Variants in CLK4 observed in about 807,000 individuals in gnomAD.
CLK4 encodes the protein CDC like kinase 4, also known as dual specificity protein kinase CLK4.
In CLK4, 37 loss-of-function variants were observed where a neutral mutation model predicts 64.4. The observed-to-expected ratio is 0.57, with a 90% CI of 0.44 to 0.76. The LOEUF is 0.76. Among genes scored for constraint, CLK4 ranks in the 30% least tolerant of loss-of-function variants. The pLI is 0.00. For missense variants in CLK4, 457 were observed against 605.1 expected, an observed-to-expected ratio of 0.76 and a Z score of 2.57; for synonymous variants, 175 against 191.6, an observed-to-expected ratio of 0.91 and a Z score of 0.72.
chr5:178,604,646 C>G (rs1029824468), intron 11 of CLK4: 9 of 151,946 alleles, frequency 5.9e-5, no homozygotes, highest in African/African-American at 2.2e-4. Flanking sequence ...AGATCCCTCA[C>G]GTGCGCAGTT....
chr5:178,623,219 T>A, intron 2 of CLK4, 37 bp downstream of exon 2: 19 of 1,575,648 alleles, frequency 1.2e-5, no homozygotes, highest in Non-Finnish European at 1.7e-5. Context: ...TTAAAACTAT[T>A]AGAGCTAAAA....
At position 178,603,569 on chromosome 5, in the gene CLK4, A is replaced by T; in HGVS notation, c.*48T>A. 1 of 1,362,878 alleles carries T rather than the reference A, an allele frequency of 7.3e-7. No homozygotes were observed. Among genetic ancestry groups the T allele is most frequent in the Non-Finnish European group, 9.9e-7 (1 of 1,012,262 alleles). 84.4% of individuals were successfully genotyped at this position (1,362,878 alleles called of 1,614,324 possible). A position where few individuals can be genotyped will look rare whatever the true frequency, so the allele number is the denominator to read the frequency against. ...ATGTTTAGTTGACTGACACAGTCTT[A>T]AGTAATCTCTTCTAGAGAAGTATAT... On this transcript the variant is annotated 3_prime_UTR_variant, in exon 13 of 13. Coordinates refer to ENST00000316308, the MANE Select transcript of CLK4 (RefSeq NM_020666.3).
intron 11 of CLK4, 99 bp from the exon 12 acceptor site, chr5:178,604,033 G>A: frequency 1.2e-6 from 1 of 828,390 alleles, no homozygotes; most frequent in Non-Finnish European, 1.9e-6. Flanking sequence ...CTCTCTCTAA[G>A]TGTATAGACT....
At chr5:178,625,339 A>G (rs1240285015) in intron 1 of CLK4, among the ~76,000 whole-genome samples, 2 of 151,296 alleles carry the variant, frequency 1.3e-5, no homozygotes, top group South Asian at 2.1e-4. Flanking sequence ...TGGGACAATC[A>G]CTGGAGCCCA....
chr5:178,611,967 C>A (rs1764563884), intron 9 of CLK4, among the ~76,000 whole-genome samples: 1 of 149,508 alleles, frequency 6.7e-6, no homozygotes, highest in African/African-American at 2.5e-5. Context: ...CCCAGACTTT[C>A]TCACATCAAG....
At chr5:178,626,656 A>G (rs1226386498) in intron 1 of CLK4, among the ~76,000 whole-genome samples, 1 of 152,184 alleles carries the variant, frequency 6.6e-6, no homozygotes, top group Admixed American at 6.5e-5. Flanking sequence ...AGAGGTCCCG[A>G]CAGGGTTAAC....
At chr5:178,604,886 T>C (rs1292661642) in intron 11 of CLK4, 2 of 152,790 alleles carry the variant, frequency 1.3e-5, no homozygotes, top group Non-Finnish European at 2.9e-5. Flanking sequence ...TTCCAGCACT[T>C]TGGGAGGCCA....
At chr5:178,620,584 A>C in intron 2 of CLK4, 1 of 455,818 alleles carries the variant, frequency 2.2e-6, no homozygotes, top group Non-Finnish European at 4.4e-6. Flanking sequence ...TAAAATATCC[A>C]CTGAATGCCC....
In CLK4 at chr5:178,617,963, T is replaced by C. The variant is rs1255186222; in HGVS notation, c.385-529A>G. The C allele has an allele frequency of 6.6e-6, 1 of 151,960 alleles. No homozygotes were observed. Among genetic ancestry groups the C allele is most frequent in the Non-Finnish European group, 1.5e-5 (1 of 68,034 alleles). The allele number at this position is 151,960 out of a possible 1,614,324, so 9.4% of individuals were successfully genotyped here. A position where few individuals can be genotyped will look rare whatever the true frequency, so the allele number is the denominator to read the frequency against. ...AAAACTAGTTTTACTGAAGAAAACT[T>C]GGGGAGAAACTAATTCAAAGTTCAC... is the stretch of plus-strand genomic sequence containing the variant. On this transcript the variant is annotated intron_variant, in intron 3 of 12. Coordinates refer to ENST00000316308, the MANE Select transcript of CLK4 (RefSeq NM_020666.3). The surrounding 1 kb of genome is among the most constrained non-coding windows in gnomAD (Gnocchi z 5.2).
At chr5:178,616,191 T>C (rs1764625245) in intron 5 of CLK4, among the ~76,000 whole-genome samples, 1 of 152,126 alleles carries the variant, frequency 6.6e-6, no homozygotes, top group Non-Finnish European at 1.5e-5. Flanking sequence ...CCTCCCCTCC[T>C]GGGTTCAAGT....
chr5:178,613,294 G>A (rs1453384744), intron 7 of CLK4, among the ~76,000 whole-genome samples, 179 bp downstream of exon 7: 4 of 152,066 alleles, frequency 2.6e-5, no homozygotes, highest in African/African-American at 4.8e-5. Flanking sequence ...GGTGGTGGGC[G>A]CCTGTAGTCC....
At chr5:178,625,015 C>T (rs542050380) in intron 1 of CLK4, among the ~76,000 whole-genome samples, 26 of 152,258 alleles carry the variant, frequency 1.7e-4, no homozygotes, top group African/African-American at 5.1e-4. Context: ...AGGCACTGAT[C>T]AGGCCAAACA....
At chr5:178,622,459 T>C in intron 2 of CLK4, 1 of 985,634 alleles carries the variant, frequency 1.0e-6, no homozygotes, top group Non-Finnish European at 1.2e-6. Flanking sequence ...CAATGGAACA[T>C]CTGCACAAAA....
chr5:178,618,893 C>A, intron 2 of CLK4, 115 bp from the exon 3 acceptor site: 1 of 708,598 alleles, frequency 1.4e-6, no homozygotes, highest in Non-Finnish European at 2.3e-6. Context: ...GAAAAAAATT[C>A]AAACAGATGA....
intron 1 of CLK4, among the ~76,000 whole-genome samples, chr5:178,626,548 G>A (rs1183979683): frequency 6.6e-6 from 1 of 152,248 alleles, no homozygotes; most frequent in African/African-American, 2.4e-5. Flanking sequence ...AAACGGCCCA[G>A]GCCAGGAATC....
In CLK4 at chr5:178,613,995, C is replaced by A. The variant is rs1267368366; in HGVS notation, c.543-152G>T. Reference sequence around the variant, plus strand: ...TATAGCAGATTCCATATAACATCTTCTTAAAACATTTTGATAAAATACTTT... The same window carrying A: ...TATAGCAGATTCCATATAACATCTTATTAAAACATTTTGATAAAATACTTT... On this transcript the variant is annotated intron_variant, in intron 5 of 12. Transcript: ENST00000316308. The A allele has an allele frequency of 5.2e-6, 3 of 576,854 alleles. No homozygotes were observed. In the African/African-American group the frequency reaches 5.6e-5, roughly 11 times the overall value. The allele number at this position is 576,854 out of a possible 1,614,324, so 35.7% of individuals were successfully genotyped here. A position where few individuals can be genotyped will look rare whatever the true frequency, so the allele number is the denominator to read the frequency against.
chr5:178,617,610 C>G lies in CLK4; in HGVS notation c.385-176G>C. 1 of 646,532 alleles carries G rather than the reference C, an allele frequency of 1.5e-6. No homozygotes were observed. The highest frequency in any genetic ancestry group is 2.3e-6 in the Non-Finnish European group (1 of 434,232). The allele number at this position is 646,532 out of a possible 1,614,324, so 40.0% of individuals were successfully genotyped here. A position where few individuals can be genotyped will look rare whatever the true frequency, so the allele number is the denominator to read the frequency against. Reference sequence around the variant, plus strand: ...ATTCAGTCCCCAGAAATTCACAGGGCACAGTTTATGTTACAGAAGAAAAAC... The same window carrying G: ...ATTCAGTCCCCAGAAATTCACAGGGGACAGTTTATGTTACAGAAGAAAAAC... On this transcript the variant is annotated intron_variant, in intron 3 of 12. Transcript: ENST00000316308. This position sits in a 1 kb window ranked among gnomAD's most constrained non-coding sequence, Gnocchi z 5.2.
intron 2 of CLK4, chr5:178,620,655 T>C: frequency 2.2e-6 from 1 of 450,754 alleles, no homozygotes; most frequent in South Asian, 1.6e-5. Context: ...GGGCATTCGT[T>C]TTTATATCCA....
At chr5:178,614,903 A>G (rs1270383462) in intron 5 of CLK4, among the ~76,000 whole-genome samples, 1 of 152,232 alleles carries the variant, frequency 6.6e-6, no homozygotes, top group East Asian at 1.9e-4. Context: ...TAATTATATG[A>G]CCAAAAAGTT....
Sources: gnomAD v4.1 joint callset for allele counts (sites outside exome capture counted in the v4.1 genomes callset) on GRCh38, gnomAD v4.1.1 for gene constraint, Gnocchi (gnomAD v3.1) non-coding constraint, MANE v1.5 for transcripts, NCBI Gene and HGNC (gene_info 2026-07-23, HGNC 2026-07-21) for gene names.